Variants in ROR2 observed in about 807,000 individuals in gnomAD.
ROR2 encodes the protein ROR family WNT receptor 2.
Under a neutral mutation model 74.9 loss-of-function variants are expected in ROR2, and 33 were observed. The observed-to-expected ratio is 0.44, with a 90% CI of 0.33 to 0.59. The LOEUF (loss-of-function observed/expected upper bound fraction) is 0.59. Ranked by LOEUF, ROR2 falls within the 20% of genes least tolerant of loss-of-function variation. The pLI, the probability that ROR2 is intolerant of heterozygous loss-of-function variation, is 0.02. For missense variants in ROR2, 1,216 were observed against 1,313.8 expected (o/e 0.93, Z 1.15); for synonymous variants, 586 against 558.7 (o/e 1.05, Z -0.69).
chr9:91,774,788 T>C (rs1187198296), intron 2 of ROR2, among the ~76,000 whole-genome samples: 1 of 152,132 alleles, frequency 6.6e-6, no homozygotes, highest in East Asian at 1.9e-4. Context: ...AGAAGCATGA[T>C]TCGATACTTT....
intron 1 of ROR2, among the ~76,000 whole-genome samples, chr9:91,895,155 G>T (rs1285452933): frequency 6.6e-6 from 1 of 152,194 alleles, no homozygotes; most frequent in African/African-American, 2.4e-5. Context: ...CTAAATGAAA[G>T]AATCCAATCT....
intron 1 of ROR2, among the ~76,000 whole-genome samples, chr9:91,915,827 T>C (rs1792559129): frequency 1.3e-5 from 2 of 152,226 alleles, no homozygotes; most frequent in Non-Finnish European, 2.9e-5. Flanking sequence ...TAATTGGTGC[T>C]TTTTACAATC....
chr9:91,735,786 T>G (rs2118718127), intron 5 of ROR2, among the ~76,000 whole-genome samples: 1 of 151,952 alleles, frequency 6.6e-6, no homozygotes, highest in Admixed American at 6.6e-5. Flanking sequence ...CCAGCTAATT[T>G]TTTGTGTTTT....
intron 1 of ROR2, among the ~76,000 whole-genome samples, chr9:91,943,276 G>T (rs1355832861): frequency 1.3e-5 from 2 of 152,148 alleles, no homozygotes; most frequent in East Asian, 3.8e-4. Context: ...ACAGTATTGA[G>T]AAACCAACAT....
chr9:91,901,539 G>T (rs1224321573), intron 1 of ROR2, among the ~76,000 whole-genome samples: 1 of 152,110 alleles, frequency 6.6e-6, no homozygotes, highest in Non-Finnish European at 1.5e-5. Context: ...CTCTGGGATG[G>T]GTGTGGTGGC....
In ROR2 at chr9:91,789,560, A is replaced by G. The variant is rs1056478719; in HGVS notation, c.98-13742T>C. On this transcript the variant is annotated intron_variant, in intron 1 of 8. Transcript: ENST00000375708. ...CTATGACACTAATAGTTCAAAAGAG[A>G]GGGAAGGGAAGCAAGATATTTTGCA... 3.3e-5 allele frequency among the ~76,000 whole-genome samples: 5 copies of G among 152,294 alleles called. No individual in the cohort carries two copies. In the South Asian group the frequency reaches 8.3e-4, roughly 25 times the overall value.
At chr9:91,820,136 C>T (rs945581914) in intron 1 of ROR2, among the ~76,000 whole-genome samples, 1 of 152,198 alleles carries the variant, frequency 6.6e-6, no homozygotes. Context: ...TAAAAATTAA[C>T]GTACATTTTG....
intron 8 of ROR2, among the ~76,000 whole-genome samples, chr9:91,725,800 C>T (rs183360134): frequency 2.8e-3 from 425 of 152,274 alleles, no homozygotes; most frequent in Non-Finnish European, 4.3e-3. Flanking sequence ...CCCAGAGGTT[C>T]CTGGGCCTCC....
rs115089970 is a variant in ROR2, at chr9:91,884,896, A to G, written c.97+64971T>C. 4.8e-3 allele frequency among the ~76,000 whole-genome samples: 730 copies of G among 152,348 alleles called. 5 individuals carry two copies. Among genetic ancestry groups the G allele is most frequent in the African/African-American group, 0.016 (675 of 41,578 alleles). The stretch of plus-strand genomic sequence containing the variant: ...ATCATATTTTCTAAATTAAGTCATC[A>G]ACTTCCTGTGCTGGGAAGTGATCAG... On this transcript the variant is annotated intron_variant, in intron 1 of 8. Transcript: ENST00000375708.
chr9:91,761,821 T>A (rs532181675), intron 2 of ROR2, among the ~76,000 whole-genome samples: 1 of 152,208 alleles, frequency 6.6e-6, no homozygotes, highest in East Asian at 1.9e-4. Context: ...TCACATCACA[T>A]CCAGACAATA....
intron 1 of ROR2, chr9:91,948,832 GCCCCGCCCGCCCTC>G (rs1026976962): frequency 4.0e-5 from 39 of 985,330 alleles, no homozygotes; most frequent in Non-Finnish European, 4.6e-5. Context: ...GGGCCTGAAG[GCCCCGCCCGCCCTC>G]CTCCACCCCC....
At chr9:91,903,474 CT>C (rs377693295) in intron 1 of ROR2, among the ~76,000 whole-genome samples, 6 of 149,656 alleles carry the variant, frequency 4.0e-5, no homozygotes, top group African/African-American at 7.3e-5. Flanking sequence ...TTCGTTGTGT[CT>C]TTTTTTTTTC....
chr9:91,756,836 C>T (rs982470345), intron 3 of ROR2, among the ~76,000 whole-genome samples: 1 of 150,880 alleles, frequency 6.6e-6, no homozygotes, highest in African/African-American at 2.4e-5. Flanking sequence ...CTGCAACCTC[C>T]ACCTCCCAGG....
At chr9:91,805,686 C>A (rs906550347) in intron 1 of ROR2, among the ~76,000 whole-genome samples, 1 of 152,204 alleles carries the variant, frequency 6.6e-6, no homozygotes, top group African/African-American at 2.4e-5. Context: ...CATGCTCACA[C>A]ACAAGTATGA....
At chr9:91,929,362 T>A (rs16908003) in intron 1 of ROR2, among the ~76,000 whole-genome samples, 10,470 of 152,114 alleles carry the variant, frequency 0.069, 646 homozygotes, top group East Asian at 0.22. Context: ...ATTTAAAAGC[T>A]CCGCAAAGGC....
chr9:91,856,584 G>A lies in ROR2; in HGVS notation c.98-80766C>T, dbSNP rs1024956171. Among the ~76,000 whole-genome samples the A allele has an allele frequency of 3.9e-5, 6 of 152,174 alleles. 1 individual carries two copies. The South Asian group carries it at 1.2e-3, about 32-fold the overall frequency. ...ACACACAGAGGGACGACCACGTGATGAGTCAGGGAGAGGACAGCCAACTGC... is the reference window on the plus strand; with the variant it reads ...ACACACAGAGGGACGACCACGTGATAAGTCAGGGAGAGGACAGCCAACTGC... On this transcript the variant is annotated intron_variant, in intron 1 of 8. Transcript: ENST00000375708.
intron 1 of ROR2, among the ~76,000 whole-genome samples, chr9:91,891,457 C>CGG (rs564505377): frequency 3.6e-4 from 55 of 152,118 alleles, no homozygotes; most frequent in African/African-American, 9.4e-4. Flanking sequence ...TTAGTAGAGA[C>CGG]GGGGTTTCAC....
At chr9:91,759,811 C>T (rs184126207) in intron 2 of ROR2, among the ~76,000 whole-genome samples, 1 of 152,284 alleles carries the variant, frequency 6.6e-6, no homozygotes, top group African/African-American at 2.4e-5. Context: ...TAGAGTCTCA[C>T]GGACAGCACC....
At chr9:91,794,877 T>G (rs1052508910) in intron 1 of ROR2, among the ~76,000 whole-genome samples, 3 of 152,164 alleles carry the variant, frequency 2.0e-5, no homozygotes, top group Non-Finnish European at 2.9e-5. Flanking sequence ...ATCCCAGCAC[T>G]TTCGGAGGCC....
Sources: gnomAD v4.1 joint callset for allele counts (sites outside exome capture counted in the v4.1 genomes callset) on GRCh38, gnomAD v4.1.1 for gene constraint, MANE v1.5 for transcripts, NCBI Gene and HGNC (gene_info 2026-07-23, HGNC 2026-07-21) for gene names.